GBP7: variants seen among roughly 807,000 people sequenced by gnomAD.
The protein encoded by GBP7 is guanylate binding protein 7, also known as guanylate-binding protein 7.
GBP7 carries 43 observed loss-of-function variants against 61.3 expected under a neutral mutation model. That is an observed-to-expected ratio of 0.70 (90% confidence interval 0.55 to 0.91). The LOEUF is 0.91. Among genes scored for constraint, GBP7 ranks in the 40% least tolerant of loss-of-function variants. GBP7 has a pLI of 0.00. For synonymous variants in GBP7, 267 were observed against 271.0 expected (o/e 0.99, Z 0.14); for missense variants, 717 against 740.5 (o/e 0.97, Z 0.37).
At chr1:89,151,008 T>G in intron 5 of GBP7, among the ~76,000 whole-genome samples, 1 of 152,252 alleles carries the variant, frequency 6.6e-6, no homozygotes. Flanking sequence ...TACTACTAAG[T>G]AAGCAAATTA....
intron 3 of GBP7, among the ~76,000 whole-genome samples, chr1:89,159,106 T>A (rs1442846559): frequency 6.6e-6 from 1 of 152,116 alleles, no homozygotes; most frequent in Non-Finnish European, 1.5e-5. Flanking sequence ...AAACAAGAAA[T>A]GGGGAAAGGA....
rs145788178 is a variant in GBP7 at position 89,161,549 on chromosome 1, A to G, written c.318+3182T>C. Among the ~76,000 whole-genome samples the G allele has an allele frequency of 1.4e-3, 214 of 151,158 alleles. 8 individuals are homozygous for G. The East Asian group carries it at 0.037, about 26-fold the overall frequency. Reference sequence around the variant, plus strand: ...TGATGTTAAGCTTTTTTTTTTCCATATGATTGTTGGCTGCATGTATGTCTT... The same window carrying G: ...TGATGTTAAGCTTTTTTTTTTCCATGTGATTGTTGGCTGCATGTATGTCTT... On this transcript the variant is annotated intron_variant, in intron 3 of 10. Coordinates refer to ENST00000294671, the MANE Select transcript of GBP7 (RefSeq NM_207398.3).
intron 7 of GBP7, 34 bp from the exon 8 acceptor site, chr1:89,147,813 G>A: frequency 8.7e-6 from 14 of 1,604,538 alleles, no homozygotes; most frequent in African/African-American, 1.3e-5. Flanking sequence ...ACAGTAGAAA[G>A]AAGCTGTTAG....
rs1369351934 is a variant in GBP7 at position 89,147,652 on chromosome 1, A to G, written c.1280T>C (p.Phe427Ser). 1 of 1,614,168 alleles carries G rather than the reference A, an allele frequency of 6.2e-7. No homozygotes were observed. The highest frequency in any genetic ancestry group is 1.1e-5 in the South Asian group (1 of 91,080). The change falls in exon 8 of 11, where the codon TTT (phenylalanine) becomes TCT (serine). Residue 427 changes from phenylalanine to serine, a missense_variant. Phe to Ser is a radical substitution (Grantham distance 155). Transcript: ENST00000294671. ...LTESISRGTF[F>S]VPGGHNIYLE... is the part of the protein sequence containing the mutation. The stretch of plus-strand genomic sequence containing the variant: ...GTAGATATTGTGCCCCCCCGGAACA[A>G]AGAAAGTTCCTCTTGAAATACTTTC...
At chr1:89,147,908 A>G in intron 7 of GBP7, 129 bp from the exon 8 acceptor site, 1 of 882,784 alleles carries the variant, frequency 1.1e-6, no homozygotes, top group Non-Finnish European at 1.8e-6. Flanking sequence ...ACTAAGAGTC[A>G]GAAGACTTGT....
chr1:89,175,073 G>A (rs935876410), intron 1 of GBP7, among the ~76,000 whole-genome samples: 12 of 152,134 alleles, frequency 7.9e-5, no homozygotes, highest in African/African-American at 2.2e-4. Context: ...TTTTTAAGTT[G>A]AATGTCTCAA....
intron 2 of GBP7, among the ~76,000 whole-genome samples, chr1:89,166,435 A>G (rs1012877629): frequency 5.9e-5 from 9 of 152,296 alleles, no homozygotes; most frequent in South Asian, 2.1e-4. Context: ...ACCCCTGAAT[A>G]TGTAGCCCAG....
At chr1:89,156,469 C>T (rs1381597362) in intron 3 of GBP7, among the ~76,000 whole-genome samples, 2 of 152,144 alleles carry the variant, frequency 1.3e-5, no homozygotes, top group African/African-American at 4.8e-5. Context: ...ATCTCATGAG[C>T]AGAGACACAC....
intron 2 of GBP7, among the ~76,000 whole-genome samples, chr1:89,166,697 C>T (rs1348465200): frequency 6.6e-6 from 1 of 152,204 alleles, no homozygotes; most frequent in Non-Finnish European, 1.5e-5. Context: ...ACACACTTTC[C>T]TGTGATGGGA....
chr1:89,135,065 A>G (rs1235473624), intron 9 of GBP7, among the ~76,000 whole-genome samples: 2 of 152,240 alleles, frequency 1.3e-5, no homozygotes, highest in African/African-American at 4.8e-5. Flanking sequence ...TCAGAGTATT[A>G]AATGTAGAAT....
At position 89,132,158 on chromosome 1, in the gene GBP7, A is replaced by T; in HGVS notation, c.1908T>A (p.Ile636=). 1 of 1,604,420 alleles carries T rather than the reference A, an allele frequency of 6.2e-7. No homozygotes were observed. Among genetic ancestry groups the T allele is most frequent in the African/African-American group, 1.3e-5 (1 of 74,326 alleles). ...TTTAACAAAAGAAACCTCAGCTTAT[A>T]ATTTTCTTACCAGGATTTCTCAGCC... ...CNRLRNPGKK[I]IS is the part of the protein sequence containing the mutation. The change falls in exon 11 of 11, where the codon ATT becomes ATA. Residue 636 remains isoleucine (I), a synonymous_variant. Coordinates refer to ENST00000294671, the MANE Select transcript of GBP7 (RefSeq NM_207398.3).
chr1:89,136,369 A>C (rs926952992), intron 9 of GBP7, among the ~76,000 whole-genome samples: 5 of 152,154 alleles, frequency 3.3e-5, no homozygotes, highest in Non-Finnish European at 5.9e-5. Flanking sequence ...CATTCATCTC[A>C]TCTGCACATG....
Position 89,147,929 on chromosome 1 carries a change from G to A in GBP7, c.1153-150C>T, listed in dbSNP as rs560365855. 8.2e-5 allele frequency: 61 copies of A among 743,130 alleles called. No homozygotes were observed. In the African/African-American group the frequency reaches 1.1e-3, roughly 13 times the overall value. 46.0% of individuals were successfully genotyped at this position (743,130 alleles called of 1,614,324 possible). ...AGTCAGAAGACTTGTTTTAGTTCCA[G>A]TTCTGGTCAATTCTCTGCATGACCT... On this transcript the variant is annotated intron_variant, in intron 7 of 10. Coordinates refer to ENST00000294671, the MANE Select transcript of GBP7 (RefSeq NM_207398.3).
intron 3 of GBP7, among the ~76,000 whole-genome samples, chr1:89,157,457 AC>A (rs1682342715): frequency 6.6e-6 from 1 of 152,178 alleles, no homozygotes; most frequent in Admixed American, 6.5e-5. Flanking sequence ...ATAGACCACT[AC>A]CAAGACGAAT....
At chr1:89,142,437 A>G (rs114449383) in intron 8 of GBP7, among the ~76,000 whole-genome samples, 1,872 of 152,208 alleles carry the variant, frequency 0.012, 30 homozygotes, top group African/African-American at 0.043. Flanking sequence ...TTTTGTAGAG[A>G]TGGAAGTCCT....
At chr1:89,141,489 AAG>A (rs1681946131) in intron 9 of GBP7, 55 bp downstream of exon 9, 2 of 1,459,922 alleles carry the variant, frequency 1.4e-6, no homozygotes, top group South Asian at 1.2e-5. Context: ...TCTGAACATC[AAG>A]AGAGTGTTGC....
At chr1:89,172,593 T>C (rs903849915) in intron 1 of GBP7, among the ~76,000 whole-genome samples, 2 of 152,322 alleles carry the variant, frequency 1.3e-5, no homozygotes, top group Admixed American at 1.3e-4. Flanking sequence ...AAGGGATTCA[T>C]GATGTTGACA....
chr1:89,141,470 A>C, intron 9 of GBP7, 76 bp downstream of exon 9: 10 of 1,301,176 alleles, frequency 7.7e-6, no homozygotes, highest in Non-Finnish European at 8.7e-6. Flanking sequence ...TATAAGGAAA[A>C]TCCTTTTTTC....
At chr1:89,147,246 C>A (rs568934631) in intron 8 of GBP7, among the ~76,000 whole-genome samples, 3 of 152,100 alleles carry the variant, frequency 2.0e-5, no homozygotes, top group Admixed American at 6.5e-5. Flanking sequence ...TGTGTAAAAT[C>A]GTAAGATTCT....
Sources: allele counts gnomAD v4.1 joint callset (sites outside exome capture counted in the v4.1 genomes callset), GRCh38; gene constraint gnomAD v4.1.1; transcripts MANE v1.5; gene names NCBI Gene and HGNC (gene_info 2026-07-23, HGNC 2026-07-21).